Variants in PTPRZ1 observed in about 807,000 individuals in gnomAD.
PTPRZ1 encodes protein tyrosine phosphatase receptor type Z1.
In PTPRZ1, 82 loss-of-function variants were observed where a neutral mutation model predicts 214.1. The observed-to-expected ratio is 0.38, with a 90% CI of 0.32 to 0.46. PTPRZ1 has a LOEUF of 0.46. Ranked by LOEUF, PTPRZ1 falls within the 20% of genes least tolerant of loss-of-function variation. The probability of loss-of-function intolerance (pLI) is 1.00; values close to 1 mark genes in which losing one functional copy is unlikely to be tolerated. For synonymous variants in PTPRZ1, 945 were observed against 987.9 expected (o/e 0.96, Z 0.81); for missense variants, 2,603 against 2,748.7 (o/e 0.95, Z 1.19).
chr7:121,898,773 A>G (rs1156898664), intron 1 of PTPRZ1, among the ~76,000 whole-genome samples: 1 of 152,200 alleles, frequency 6.6e-6, no homozygotes, highest in African/African-American at 2.4e-5. Flanking sequence ...AGTATTTCAT[A>G]TACTTACTTA....
chr7:121,943,521 G>A (rs956430467), intron 2 of PTPRZ1, among the ~76,000 whole-genome samples: 1 of 151,974 alleles, frequency 6.6e-6, no homozygotes, highest in Non-Finnish European at 1.5e-5. Flanking sequence ...TGTATTTTTA[G>A]TAGAGATGGG....
chr7:121,966,757 G>A (rs1330191522), intron 2 of PTPRZ1, among the ~76,000 whole-genome samples: 3 of 152,150 alleles, frequency 2.0e-5, no homozygotes, highest in Non-Finnish European at 4.4e-5. Flanking sequence ...CACATTGTGA[G>A]AGGTGGCCAT....
chr7:122,055,293 T>C (rs1476133691), intron 27 of PTPRZ1, among the ~76,000 whole-genome samples: 2 of 151,990 alleles, frequency 1.3e-5, no homozygotes, highest in Non-Finnish European at 2.9e-5. Flanking sequence ...ACGTCATTCC[T>C]GAATTTTACA....
chr7:121,967,596 C>T (rs768870884), intron 2 of PTPRZ1, among the ~76,000 whole-genome samples: 2 of 152,132 alleles, frequency 1.3e-5, no homozygotes, highest in African/African-American at 2.4e-5. Flanking sequence ...GAACCCTGAA[C>T]TTGTCACATT....
intron 10 of PTPRZ1, among the ~76,000 whole-genome samples, chr7:122,003,995 A>T (rs1490395517): frequency 6.6e-6 from 1 of 152,216 alleles, no homozygotes; most frequent in Non-Finnish European, 1.5e-5. Context: ...CACAAGATTC[A>T]CTCTGTTAGT....
chr7:121,960,334 G>A (rs946227728), intron 2 of PTPRZ1, among the ~76,000 whole-genome samples: 13 of 152,042 alleles, frequency 8.6e-5, no homozygotes, highest in Admixed American at 5.9e-4. Flanking sequence ...AGCCACCCAC[G>A]CCTAGCTGAG....
intron 11 of PTPRZ1, among the ~76,000 whole-genome samples, chr7:122,004,886 G>A (rs1188185471): frequency 6.6e-6 from 1 of 151,740 alleles, no homozygotes; most frequent in East Asian, 1.9e-4. Context: ...TAAAAAACAA[G>A]AAATATAAAT....
At chr7:121,966,721 G>A (rs1229699876) in intron 2 of PTPRZ1, among the ~76,000 whole-genome samples, 1 of 152,062 alleles carries the variant, frequency 6.6e-6, no homozygotes, top group Admixed American at 6.6e-5. Context: ...TATTTTCAGG[G>A]CAAAATTATG....
chr7:122,031,600 A>G (rs370493601), intron 15 of PTPRZ1, 41 bp downstream of exon 15: 33 of 1,395,658 alleles, frequency 2.4e-5, no homozygotes, highest in Non-Finnish European at 3.0e-5. Context: ...TATAGAAAAT[A>G]GTAAAATTTA....
At chr7:121,985,154 A>G (rs1408248644) in intron 8 of PTPRZ1, among the ~76,000 whole-genome samples, 1 of 152,210 alleles carries the variant, frequency 6.6e-6, no homozygotes, top group East Asian at 1.9e-4. Flanking sequence ...ATGAATAGCT[A>G]TATTTACTAT....
At chr7:122,047,982 G>C (rs559084797) in intron 23 of PTPRZ1, among the ~76,000 whole-genome samples, 60 of 152,134 alleles carry the variant, frequency 3.9e-4, no homozygotes, top group Non-Finnish European at 6.8e-4. Context: ...AAATAAAACT[G>C]TTAATAGATG....
At chr7:121,883,544 A>C (rs1279394007) in intron 1 of PTPRZ1, among the ~76,000 whole-genome samples, 1 of 152,224 alleles carries the variant, frequency 6.6e-6, no homozygotes, top group East Asian at 1.9e-4. Context: ...TACAACTTGT[A>C]TTTTATATAA....
At chr7:121,999,380 A>G (rs1798254687) in intron 10 of PTPRZ1, among the ~76,000 whole-genome samples, 1 of 152,166 alleles carries the variant, frequency 6.6e-6, no homozygotes, top group Non-Finnish European at 1.5e-5. Flanking sequence ...ACGCTACACC[A>G]TTGCATGGCA....
chr7:121,899,584 A>G (rs1366748200), intron 1 of PTPRZ1, among the ~76,000 whole-genome samples: 1 of 152,192 alleles, frequency 6.6e-6, no homozygotes, highest in Non-Finnish European at 1.5e-5. Flanking sequence ...AGAAAGCTTG[A>G]GTCCTGGAGC....
At chr7:122,025,874 G>A (rs986792322) in intron 13 of PTPRZ1, among the ~76,000 whole-genome samples, 1 of 152,166 alleles carries the variant, frequency 6.6e-6, no homozygotes, top group African/African-American at 2.4e-5. Context: ...GAAAAGGCAG[G>A]TTTATTTATC....
At chr7:121,987,228 C>T (rs1797785403) in intron 8 of PTPRZ1, among the ~76,000 whole-genome samples, 1 of 136,238 alleles carries the variant, frequency 7.3e-6, no homozygotes, top group South Asian at 2.8e-4. Flanking sequence ...GTTTGACCCT[C>T]CTCTTTGGTC....
At chr7:121,952,333 C>T (rs906272476) in intron 2 of PTPRZ1, among the ~76,000 whole-genome samples, 1 of 151,964 alleles carries the variant, frequency 6.6e-6, no homozygotes, top group Non-Finnish European at 1.5e-5. Context: ...CCTGTAATTC[C>T]AGTGCTTTGG....
At chr7:121,972,757 A>T in intron 4 of PTPRZ1, 65 bp downstream of exon 4, 1 of 1,238,312 alleles carries the variant, frequency 8.1e-7, no homozygotes, top group Non-Finnish European at 1.1e-6. Context: ...TATTTAGCAT[A>T]TAATTTGATT....
chr7:121,911,626 T>C (rs527941366), intron 1 of PTPRZ1, among the ~76,000 whole-genome samples: 1 of 152,234 alleles, frequency 6.6e-6, no homozygotes, highest in East Asian at 1.9e-4. Flanking sequence ...TTTCCTTATC[T>C]TATCTTCTTT....
Sources: allele counts gnomAD v4.1 joint callset (sites outside exome capture counted in the v4.1 genomes callset), GRCh38; gene constraint gnomAD v4.1.1; transcripts MANE v1.5; gene names NCBI Gene and HGNC (gene_info 2026-07-23, HGNC 2026-07-21).